MORC4: variants seen among roughly 807,000 people sequenced by gnomAD.
MORC4 encodes the protein MORC family CW-type zinc finger protein 4.
A neutral mutation model predicts 65.5 loss-of-function variants in MORC4; 22 were observed. The observed-to-expected ratio is 0.34, with a 90% CI of 0.24 to 0.48. The LOEUF (loss-of-function observed/expected upper bound fraction) is 0.48. Ranked by LOEUF, MORC4 falls within the 20% of genes least tolerant of loss-of-function variation. The pLI is 0.99. For missense variants in MORC4, 624 were observed against 703.0 expected (o/e 0.89, Z 1.27); for synonymous variants, 267 against 255.8 (o/e 1.04, Z -0.42).
rs1228731741 is a variant in MORC4 at position 106,942,727 on chromosome X, G to A, written c.2164C>T (p.Arg722Ter). The A allele has an allele frequency of 5.0e-6, 6 of 1,211,320 alleles. No homozygotes were observed. The highest frequency in any genetic ancestry group is 1.7e-5 in the African/African-American group (1 of 57,726). The change falls in exon 15 of 17, where the codon CGA becomes TGA. Residue 722 changes from arginine to a stop codon, truncating the protein, a stop_gained. Transcript: ENST00000355610. LOFTEE classifies it high-confidence loss of function. ...GGGTTCCAGGATTCAACTGCTTTTC[G>A]TCTCTCAGCAAGCTCCTCTCTGTTA... ...PFNREELAER[R>*]KAVESWNPVP...
intron 14 of MORC4, among the ~76,000 whole-genome samples, chrX:106,949,296 G>A (rs771712137): frequency 3.6e-5 from 4 of 111,061 alleles, no homozygotes; most frequent in Non-Finnish European, 7.6e-5. Flanking sequence ...TAATTCTTTA[G>A]ACATGGTCTC....
intron 9 of MORC4, among the ~76,000 whole-genome samples, chrX:106,967,785 CA>C (rs1934409725): frequency 9.0e-6 from 1 of 111,551 alleles, no homozygotes; most frequent in Non-Finnish European, 1.9e-5. Flanking sequence ...TGAAAAGAAA[CA>C]AACAAAGCCT....
At chrX:106,947,690 A>G (rs962467993) in intron 14 of MORC4, among the ~76,000 whole-genome samples, 12 of 104,218 alleles carry the variant, frequency 1.2e-4, no homozygotes, top group Non-Finnish European at 1.4e-4. Context: ...GGTTATACTA[A>G]TATCAGACAA....
chrX:106,989,719 T>A (rs1934939938), intron 3 of MORC4, among the ~76,000 whole-genome samples: 1 of 106,193 alleles, frequency 9.4e-6, no homozygotes, highest in Non-Finnish European at 1.9e-5. Context: ...AATACAAAAT[T>A]AGCCAGGCAT....
intron 14 of MORC4, among the ~76,000 whole-genome samples, chrX:106,946,142 T>TACA (rs1933821669): frequency 9.0e-6 from 1 of 111,482 alleles, no homozygotes; most frequent in Non-Finnish European, 1.9e-5. Context: ...ACTTAAGGTA[T>TACA]ACAATTCAAC....
chrX:106,999,293 G>A (rs1376616524), intron 2 of MORC4, among the ~76,000 whole-genome samples: 1 of 111,128 alleles, frequency 9.0e-6, no homozygotes, highest in South Asian at 3.9e-4. Context: ...GGTCCTCTAC[G>A]CCCCTTTGCT....
intron 4 of MORC4, 104 bp from the exon 5 acceptor site, chrX:106,985,347 G>T: frequency 1.9e-6 from 1 of 536,801 alleles, no homozygotes; most frequent in Non-Finnish European, 2.9e-6. Flanking sequence ...TAGACATACA[G>T]CATGCATATT....
intron 9 of MORC4, among the ~76,000 whole-genome samples, chrX:106,972,679 C>T (rs141943782): frequency 0.031 from 3,456 of 111,840 alleles, 138 homozygotes; most frequent in African/African-American, 0.11. Flanking sequence ...TAGCTCACAC[C>T]TGAAATCCCA....
intron 9 of MORC4, among the ~76,000 whole-genome samples, chrX:106,970,631 A>G (rs1003529267): frequency 2.7e-5 from 3 of 112,307 alleles, no homozygotes; most frequent in Non-Finnish European, 5.6e-5. Context: ...GTCTCAGAAT[A>G]CAAAATCAAT....
At chrX:106,945,996 T>C (rs1271070048) in intron 14 of MORC4, among the ~76,000 whole-genome samples, 1 of 112,122 alleles carries the variant, frequency 8.9e-6, no homozygotes, top group Non-Finnish European at 1.9e-5. Flanking sequence ...ATTTCATAAA[T>C]GTTTCCTACT....
At position 106,971,146 on chromosome X, in the gene MORC4, C is replaced by G. The variant is rs191994170; in HGVS notation, c.1157+5438G>C. Among the ~76,000 whole-genome samples the G allele has an allele frequency of 5.4e-5, 6 of 111,322 alleles. No individual in the cohort carries two copies. In the East Asian group the frequency reaches 1.7e-3, roughly 31 times the overall value. On this transcript the variant is annotated intron_variant, in intron 9 of 16. Coordinates refer to ENST00000355610, the MANE Select transcript of MORC4 (RefSeq NM_024657.5). ...CAGATTAAAGGAACAGAACGGAGGCCTCAGAAATAATACCACACATTTACC... is the reference window on the plus strand; with the variant it reads ...CAGATTAAAGGAACAGAACGGAGGCGTCAGAAATAATACCACACATTTACC...
chrX:106,974,488 G>A (rs1280303016), intron 9 of MORC4, among the ~76,000 whole-genome samples: 1 of 111,549 alleles, frequency 9.0e-6, no homozygotes, highest in Non-Finnish European at 1.9e-5. Context: ...TATCATGTGA[G>A]ACATATCTCA....
chrX:106,974,603 G>A (rs1156973224), intron 9 of MORC4, among the ~76,000 whole-genome samples: 3 of 111,465 alleles, frequency 2.7e-5, no homozygotes, highest in East Asian at 2.8e-4. Context: ...TTTATTGCTC[G>A]CCAAATTACT....
chrX:106,985,925 TCAAA>T (rs1934859979), intron 4 of MORC4, 54 bp downstream of exon 4: 1 of 990,078 alleles, frequency 1.0e-6, no homozygotes, highest in Non-Finnish European at 1.4e-6. Context: ...TGGAATCTAA[TCAAA>T]CACTCAGATT....
At chrX:106,950,095 G>A in intron 14 of MORC4, among the ~76,000 whole-genome samples, 1 of 111,846 alleles carries the variant, frequency 8.9e-6, no homozygotes, top group East Asian at 2.8e-4. Context: ...GTCCACCTTA[G>A]GTCCTGCTCT....
Position 106,958,428 on chromosome X carries a change from C to T in MORC4, c.1293G>A (p.Glu431=). Residue 431 remains glutamate (E), a synonymous_variant, in exon 11 of 17, where the codon GAG becomes GAA. Transcript: ENST00000355610. The part of the protein sequence containing the change: ...VPDQTWVQCD[E]CLKWRKLPGK... ...CAGGAAGCTTTCTCCATTTAAGACA[C>T]TCATCACACTGAACCCATGTCTGGT... 5 of 1,206,332 alleles carry T rather than the reference C, an allele frequency of 4.1e-6. No individual in the cohort carries two copies. Among genetic ancestry groups the T allele is most frequent in the Non-Finnish European group, 5.6e-6 (5 of 891,365 alleles).
In MORC4 at chrX:106,949,280, C is replaced by A. The variant is rs775415754; in HGVS notation, c.1685+5633G>T. 7.2e-5 allele frequency among the ~76,000 whole-genome samples: 8 copies of A among 111,699 alleles called. No individual in the cohort carries two copies. In the Admixed American group the frequency reaches 7.6e-4, roughly 11 times the overall value. ...AGGTTCTGTCCATTATTAATATTCT[C>A]TACTTTAATTCTTTAGACATGGTCT... On this transcript the variant is annotated intron_variant, in intron 14 of 16. Coordinates refer to ENST00000355610, the MANE Select transcript of MORC4 (RefSeq NM_024657.5).
At chrX:106,974,228 G>T (rs1435959286) in intron 9 of MORC4, among the ~76,000 whole-genome samples, 2 of 111,601 alleles carry the variant, frequency 1.8e-5, no homozygotes, top group Non-Finnish European at 3.8e-5. Flanking sequence ...TTTACTTATT[G>T]TCTATGGCTG....
chrX:106,980,998 T>C lies in MORC4; in HGVS notation c.829A>G (p.Met277Val). ...SLRAFCGILY[M>V]KPRMKIFLRQ... Reference sequence around the variant, plus strand: ...AGAAAAATTTTCATGCGTGGCTTCATGTATAGAATACCACAAAATGCCTAC... The same window carrying C: ...AGAAAAATTTTCATGCGTGGCTTCACGTATAGAATACCACAAAATGCCTAC... Residue 277 changes from methionine to valine, a missense_variant, in exon 7 of 17, where the codon ATG (methionine) becomes GTG (valine). Transcript: ENST00000355610. 2 of 1,210,202 alleles carry C rather than the reference T, an allele frequency of 1.7e-6. No individual in the cohort carries two copies. The highest frequency in any genetic ancestry group is 2.2e-6 in the Non-Finnish European group (2 of 894,481).
Sources: allele counts gnomAD v4.1 joint callset (sites outside exome capture counted in the v4.1 genomes callset), GRCh38; gene constraint gnomAD v4.1.1; transcripts MANE v1.5; gene names NCBI Gene and HGNC (gene_info 2026-07-23, HGNC 2026-07-21).